EHMT1: variants seen among roughly 807,000 people sequenced by gnomAD.
EHMT1 encodes histone-lysine N-methyltransferase EHMT1.
A neutral mutation model predicts 147.2 loss-of-function variants in EHMT1; 15 were observed. The ratio of observed to expected loss-of-function variants is 0.10; its 90% confidence interval spans 0.07 to 0.16. The LOEUF is 0.16. Ranked by LOEUF, EHMT1 falls within the 10% of genes least tolerant of loss-of-function variation. EHMT1 has a pLI of 1.00. For missense variants in EHMT1, 1,587 were observed against 1,772.4 expected, an observed-to-expected ratio of 0.90 and a Z score of 1.88; for synonymous variants, 795 against 709.6, an observed-to-expected ratio of 1.12 and a Z score of -1.91.
intron 19 of EHMT1, among the ~76,000 whole-genome samples, chr9:137,812,487 A>G (rs1302655296): frequency 6.6e-6 from 1 of 152,234 alleles, no homozygotes. Context: ...ACCAGCCTCC[A>G]GTGACTCCCT....
intron 6 of EHMT1, among the ~76,000 whole-genome samples, chr9:137,749,044 G>C (rs1322849922): frequency 6.6e-6 from 1 of 152,134 alleles, no homozygotes; most frequent in African/African-American, 2.4e-5. Flanking sequence ...AGTGAGCCTG[G>C]TGTCCAGAGT....
chr9:137,736,967 C>G (rs12338017), intron 4 of EHMT1, among the ~76,000 whole-genome samples: 3 of 151,954 alleles, frequency 2.0e-5, no homozygotes, highest in Non-Finnish European at 4.4e-5. Flanking sequence ...CTTTGAGAGG[C>G]CACGGTGAGC....
intron 18 of EHMT1, chr9:137,802,781 G>A: frequency 4.1e-6 from 5 of 1,228,062 alleles, no homozygotes; most frequent in Non-Finnish European, 5.1e-6. Flanking sequence ...CTCCTCCGTG[G>A]GCTGCAGGGC....
chr9:137,834,648 A>T, intron 26 of EHMT1, 124 bp downstream of exon 26: 1 of 1,595,420 alleles, frequency 6.3e-7, no homozygotes, highest in Non-Finnish European at 8.5e-7. Context: ...AGTTCTAAAA[A>T]CTGCGACCTG....
intron 1 of EHMT1, among the ~76,000 whole-genome samples, chr9:137,655,045 C>T (rs1938290351): frequency 6.6e-6 from 1 of 151,922 alleles, no homozygotes. Flanking sequence ...GCCACCCAGG[C>T]TGGAGTGCAA....
intron 16 of EHMT1, among the ~76,000 whole-genome samples, chr9:137,793,524 T>C (rs1952681980): frequency 6.6e-6 from 1 of 152,206 alleles, no homozygotes; most frequent in African/African-American, 2.4e-5. Flanking sequence ...CTGTGATCTG[T>C]AGCAACTCCA....
chr9:137,705,240 T>G (rs36088123), intron 1 of EHMT1, among the ~76,000 whole-genome samples: 49,368 of 152,002 alleles, frequency 0.32, 8,565 homozygotes, highest in African/African-American at 0.43. Flanking sequence ...CAGTCCTCCT[T>G]CCTTGACCTC....
intron 3 of EHMT1, among the ~76,000 whole-genome samples, chr9:137,717,934 C>T (rs534910809): frequency 6.6e-6 from 1 of 152,230 alleles, no homozygotes; most frequent in Non-Finnish European, 1.5e-5. Context: ...CCCTCCCAAC[C>T]CTGAGCTGCT....
chr9:137,660,517 A>C lies in EHMT1; in HGVS notation c.21+41468A>C, dbSNP rs73669132. Among the ~76,000 whole-genome samples the C allele has an allele frequency of 5.6e-3, 846 of 152,146 alleles. 6 individuals carry two copies. The highest frequency in any genetic ancestry group is 0.034 in the Middle Eastern group (10 of 294). On this transcript the variant is annotated intron_variant, in intron 1 of 26. Coordinates refer to ENST00000460843, the MANE Select transcript of EHMT1 (RefSeq NM_024757.5). The stretch of plus-strand genomic sequence containing the variant: ...GCTCTCACTCTCTTGGCCAGACTGG[A>C]GTGCAGTGGCGTTCTGGATATTTTT...
intron 25 of EHMT1, among the ~76,000 whole-genome samples, chr9:137,826,821 G>A (rs556896270): frequency 3.0e-4 from 46 of 152,326 alleles, no homozygotes; most frequent in African/African-American, 8.9e-4. Flanking sequence ...ACCTAGGGCC[G>A]CACCTCCCAA....
chr9:137,779,496 C>G, intron 13 of EHMT1, 139 bp from the exon 14 acceptor site: 1 of 866,816 alleles, frequency 1.2e-6, no homozygotes, highest in Non-Finnish European at 1.8e-6. Flanking sequence ...GGCCTTCCAG[C>G]CTTCAGCTTC....
In EHMT1 at chr9:137,775,005, C is replaced by G; in HGVS notation, c.1648-104C>G. 1 of 1,552,470 alleles carries G rather than the reference C, an allele frequency of 6.4e-7. No homozygotes were observed. The highest frequency in any genetic ancestry group is 8.9e-7 in the Non-Finnish European group (1 of 1,128,472). On this transcript the variant is annotated intron_variant, in intron 10 of 26. Coordinates refer to ENST00000460843, the MANE Select transcript of EHMT1 (RefSeq NM_024757.5). This position sits in a 1 kb window ranked among gnomAD's most constrained non-coding sequence, Gnocchi z 6.1. The stretch of plus-strand genomic sequence containing the variant: ...CAGGGCTCGGCTCAGTCAGCCCACA[C>G]CTGCTGAGCAGCTCTTGTGTGCCTG...
chr9:137,812,966 C>A, intron 19 of EHMT1, 40 bp from the exon 20 acceptor site: 1 of 1,611,464 alleles, frequency 6.2e-7, no homozygotes, highest in South Asian at 1.1e-5. Flanking sequence ...ATTTTCAAGT[C>A]AGCTTTAAAT....
rs985551271 is a variant in EHMT1 at position 137,782,625 on chromosome 9, C to T, written c.2382+228C>T. Among the ~76,000 whole-genome samples, 3 of 152,170 alleles carry T rather than the reference C, an allele frequency of 2.0e-5. No homozygotes were observed. Among genetic ancestry groups the T allele is most frequent in the African/African-American group, 7.2e-5 (3 of 41,426 alleles). ...TTGAGAAGAGCATGCCGCCATTTGG[C>T]TGTTTCTTGATTTGCTTTCTTTGGT... On this transcript the variant is annotated intron_variant, in intron 15 of 26. Transcript: ENST00000460843. The surrounding 1 kb of genome is among the most constrained non-coding windows in gnomAD (Gnocchi z 5.7).
chr9:137,655,009 T>G (rs2133995484), intron 1 of EHMT1, among the ~76,000 whole-genome samples: 1 of 151,948 alleles, frequency 6.6e-6, no homozygotes, highest in South Asian at 2.1e-4. Context: ...TTTTCTTTTT[T>G]TTTTTCGAGA....
chr9:137,664,168 G>C (rs746157203), intron 1 of EHMT1, among the ~76,000 whole-genome samples: 3 of 151,988 alleles, frequency 2.0e-5, no homozygotes, highest in Non-Finnish European at 4.4e-5. Flanking sequence ...GTCTCCCAAG[G>C]AGCTGGGACT....
rs1001907529 is a variant in EHMT1, at chr9:137,775,474, G to A, written c.1791+222G>A. 4.0e-5 allele frequency among the ~76,000 whole-genome samples: 6 copies of A among 150,324 alleles called. No individual in the cohort carries two copies. The highest frequency in any genetic ancestry group is 6.6e-5 in the Admixed American group (1 of 15,128). Reference sequence around the variant, plus strand: ...CCCCAACCCCCATTTCCCTCCTACCGCCTGGAAACCGCTTTTGGAGATGAC... The same window carrying A: ...CCCCAACCCCCATTTCCCTCCTACCACCTGGAAACCGCTTTTGGAGATGAC... On this transcript the variant is annotated intron_variant, in intron 11 of 26. Transcript: ENST00000460843. The surrounding 1 kb of genome is among the most constrained non-coding windows in gnomAD (Gnocchi z 6.1).
chr9:137,834,005 G>T, intron 25 of EHMT1: 1 of 359,568 alleles, frequency 2.8e-6, no homozygotes, highest in Non-Finnish European at 5.2e-6. Context: ...TCCTATTGGT[G>T]CCAGACAGCC....
intron 1 of EHMT1, among the ~76,000 whole-genome samples, chr9:137,692,597 T>C (rs1222480226): frequency 6.6e-6 from 1 of 152,058 alleles, no homozygotes; most frequent in African/African-American, 2.4e-5. Flanking sequence ...ACTTTTTCTT[T>C]TTACTTAGAA....
Sources: gnomAD v4.1 joint callset for allele counts (sites outside exome capture counted in the v4.1 genomes callset) on GRCh38, gnomAD v4.1.1 for gene constraint, Gnocchi (gnomAD v3.1) non-coding constraint, MANE v1.5 for transcripts, NCBI Gene and HGNC (gene_info 2026-07-23, HGNC 2026-07-21) for gene names.